The following C18orf63 variants were observed in gnomAD, a reference collection of about 807,000 sequenced individuals.
C18orf63 encodes the protein chromosome 18 open reading frame 63.
A neutral mutation model predicts 75.3 loss-of-function variants in C18orf63; 50 were observed. That is an observed-to-expected ratio of 0.66 (90% CI 0.53 to 0.84). The LOEUF (loss-of-function observed/expected upper bound fraction) is 0.84, where lower values mean the gene tolerates loss of function less well. C18orf63 is among the 40% of genes least tolerant of loss of function. The probability of loss-of-function intolerance (pLI) is 0.00; values close to 1 mark genes in which losing one functional copy is unlikely to be tolerated. For synonymous variants in C18orf63, 232 were observed against 267.6 expected (o/e 0.87, Z 1.30); for missense variants, 732 against 800.2 (o/e 0.91, Z 1.03).
chr18:74,345,766 T>G (rs1984563859), intron 11 of C18orf63, among the ~76,000 whole-genome samples: 1 of 152,116 alleles, frequency 6.6e-6, no homozygotes, highest in East Asian at 1.9e-4. Flanking sequence ...AGTTTGTTGA[T>G]CCTAGCACCA....
intron 3 of C18orf63, 77 bp downstream of exon 3, chr18:74,320,668 G>C: frequency 3.5e-6 from 3 of 850,618 alleles, no homozygotes; most frequent in Non-Finnish European, 5.4e-6. Context: ...AGGTATTATA[G>C]CTAAAGTTAA....
At chr18:74,346,439 A>G (rs1984576589) in intron 11 of C18orf63, among the ~76,000 whole-genome samples, 1 of 152,192 alleles carries the variant, frequency 6.6e-6, no homozygotes, top group Admixed American at 6.5e-5. Context: ...ACTGTTAGTT[A>G]GAGAAAAATT....
At chr18:74,344,114 G>A (rs892025167) in intron 11 of C18orf63, among the ~76,000 whole-genome samples, 2 of 152,064 alleles carry the variant, frequency 1.3e-5, no homozygotes, top group African/African-American at 2.4e-5. Context: ...AGAGACTGAA[G>A]TATGATCCCT....
intron 7 of C18orf63, among the ~76,000 whole-genome samples, chr18:74,332,072 C>T (rs945326697): frequency 2.0e-5 from 3 of 152,144 alleles, no homozygotes; most frequent in African/African-American, 2.4e-5. Context: ...TTTAAACCCT[C>T]ATACTCTCCT....
intron 11 of C18orf63, among the ~76,000 whole-genome samples, chr18:74,347,669 A>T (rs1429187837): frequency 2.0e-5 from 3 of 152,228 alleles, no homozygotes; most frequent in Non-Finnish European, 4.4e-5. Flanking sequence ...GACCATATAC[A>T]TGTTAACTCT....
chr18:74,346,802 A>G (rs73970147), intron 11 of C18orf63, among the ~76,000 whole-genome samples: 6,438 of 152,258 alleles, frequency 0.042, 422 homozygotes, highest in African/African-American at 0.14. Flanking sequence ...TACAATAAGA[A>G]TTTATCCTAC....
intron 11 of C18orf63, among the ~76,000 whole-genome samples, chr18:74,348,528 C>T (rs1984611143): frequency 6.6e-6 from 1 of 152,056 alleles, no homozygotes; most frequent in Non-Finnish European, 1.5e-5. Flanking sequence ...GTGAAATATT[C>T]GTTCATATCT....
chr18:74,318,132 A>G (rs1159317414), intron 2 of C18orf63, 133 bp downstream of exon 2: 3 of 564,150 alleles, frequency 5.3e-6, no homozygotes, highest in Non-Finnish European at 5.6e-6. Flanking sequence ...AAAGGAAGTC[A>G]GATTTTGTTT....
chr18:74,350,881 T>C (rs913262854), intron 11 of C18orf63, among the ~76,000 whole-genome samples: 3 of 152,128 alleles, frequency 2.0e-5, no homozygotes, highest in Admixed American at 6.6e-5. Context: ...GGTGATGATA[T>C]TAGGAGGTAG....
chr18:74,341,376 TTACA>T (rs1246956884), intron 8 of C18orf63, among the ~76,000 whole-genome samples: 1 of 151,100 alleles, frequency 6.6e-6, no homozygotes, highest in African/African-American at 2.4e-5. Context: ...ATTACTTTTT[TTACA>T]TACATATTAA....
At chr18:74,335,550 G>A (rs544394251) in intron 7 of C18orf63, among the ~76,000 whole-genome samples, 9 of 152,150 alleles carry the variant, frequency 5.9e-5, no homozygotes, top group Admixed American at 3.9e-4. Context: ...CCATTTTACT[G>A]TTTGGTGCAT....
At chr18:74,345,034 C>T (rs1314360381) in intron 11 of C18orf63, among the ~76,000 whole-genome samples, 1 of 152,100 alleles carries the variant, frequency 6.6e-6, no homozygotes, top group Non-Finnish European at 1.5e-5. Flanking sequence ...ATTTATGCTG[C>T]TTCACATCCT....
chr18:74,330,939 T>C lies in C18orf63; in HGVS notation c.498T>C (p.Pro166=). 1.4e-6 allele frequency: 2 copies of C among 1,409,214 alleles called. No homozygotes were observed. Among genetic ancestry groups the C allele is most frequent in the African/African-American group, 1.5e-5 (1 of 68,944 alleles). The allele number at this position is 1,409,214 out of a possible 1,614,324, so 87.3% of individuals were successfully genotyped here. Residue 166 remains proline, a synonymous_variant, in exon 7 of 14, where the codon CCT becomes CCC. Transcript: ENST00000579455. ...CTTGCACAATCAGACTGCCAGCACC[T>C]GAGGTACCATATATTGTGATTTCTA... ...IEACTIRLPA[P]ELKEFEISQS...
chr18:74,339,369 A>G (rs1984442555), intron 8 of C18orf63, among the ~76,000 whole-genome samples: 2 of 152,166 alleles, frequency 1.3e-5, no homozygotes, highest in South Asian at 4.1e-4. Context: ...CCTAAAGTCT[A>G]ACAATTACCA....
Position 74,343,643 on chromosome 18 carries a change from A to T in C18orf63, c.919A>T (p.Ile307Leu). 1 of 1,534,642 alleles carries T rather than the reference A, an allele frequency of 6.5e-7. No homozygotes were observed. Among genetic ancestry groups the T allele is most frequent in the African/African-American group, 1.4e-5 (1 of 73,134 alleles). The change falls in exon 11 of 14, where the codon ATA (isoleucine) becomes TTA (leucine). Residue 307 changes from isoleucine to leucine, a missense_variant. Ile to Leu is a conservative substitution (Grantham distance 5). This residue lies in a region of C18orf63 where 495 missense variants were observed against 508.7 expected (regional missense o/e 0.97). Coordinates refer to ENST00000579455, the MANE Select transcript of C18orf63 (RefSeq NM_001174123.2). ...ACTGCCCCATATATGTGGATTTCCC[A>T]TAAAGATGACAAGTAAACCATGCTA... ...SKLPHICGFP[I>L]KMTSKPCYYT...
intron 11 of C18orf63, among the ~76,000 whole-genome samples, chr18:74,346,138 A>G (rs72965871): frequency 0.019 from 2,927 of 152,242 alleles, 54 homozygotes; most frequent in Non-Finnish European, 0.029. Flanking sequence ...CTTCCTATAC[A>G]TAAATTACTT....
chr18:74,335,024 C>T (rs998697082), intron 7 of C18orf63, among the ~76,000 whole-genome samples: 1 of 152,170 alleles, frequency 6.6e-6, no homozygotes, highest in African/African-American at 2.4e-5. Context: ...AATTCCCCAG[C>T]TCCTAAGTCT....
chr18:74,334,283 C>A (rs1984356024), intron 7 of C18orf63, among the ~76,000 whole-genome samples: 5 of 151,064 alleles, frequency 3.3e-5, no homozygotes, highest in Admixed American at 3.3e-4. Context: ...TTGAGGACTT[C>A]AGTATTTAAA....
chr18:74,327,900 A>T, intron 4 of C18orf63, 47 bp from the exon 5 acceptor site: 1 of 1,116,802 alleles, frequency 9.0e-7, no homozygotes, highest in Non-Finnish European at 1.3e-6. Context: ...ATGCATACAC[A>T]GCAATTGTTC....
Sources: gnomAD v4.1 joint callset for allele counts (sites outside exome capture counted in the v4.1 genomes callset) on GRCh38, gnomAD v4.1.1 for gene constraint, gnomAD v4.1.1 regional missense constraint, MANE v1.5 for transcripts, NCBI Gene and HGNC (gene_info 2026-07-23, HGNC 2026-07-21) for gene names.